Variants in SMYD3 observed in about 807,000 individuals in gnomAD.
SMYD3 encodes SET and MYND domain containing 3.
SMYD3 carries 36 observed loss-of-function variants against 57.7 expected under a neutral mutation model. The observed-to-expected ratio is 0.62, with a 90% CI of 0.48 to 0.82. The LOEUF (loss-of-function observed/expected upper bound fraction) is 0.82. SMYD3 is among the 40% of genes least tolerant of loss of function. The pLI, the probability that SMYD3 is intolerant of heterozygous loss-of-function variation, is 0.00. For missense variants in SMYD3, 515 were observed against 538.8 expected, an observed-to-expected ratio of 0.96 and a Z score of 0.44; for synonymous variants, 211 against 195.0, an observed-to-expected ratio of 1.08 and a Z score of -0.68.
At chr1:246,406,861 AAAC>A (rs1476776131) in intron 1 of SMYD3, among the ~76,000 whole-genome samples, 1 of 152,214 alleles carries the variant, frequency 6.6e-6, no homozygotes, top group African/African-American at 2.4e-5. Flanking sequence ...CAAAACAAAC[AAAC>A]AACACCTTTC....
intron 10 of SMYD3, among the ~76,000 whole-genome samples, chr1:245,781,173 T>C (rs1392418560): frequency 2.0e-5 from 3 of 152,206 alleles, no homozygotes; most frequent in Non-Finnish European, 4.4e-5. Context: ...TGAGAATTTT[T>C]GCACAACCAT....
At chr1:245,862,936 TTA>T (rs1017888492) in intron 9 of SMYD3, among the ~76,000 whole-genome samples, 1 of 152,202 alleles carries the variant, frequency 6.6e-6, no homozygotes, top group African/African-American at 2.4e-5. Flanking sequence ...TGATTCAAAA[TTA>T]TGTCCTTCAC....
intron 5 of SMYD3, among the ~76,000 whole-genome samples, chr1:246,010,970 C>T (rs2059271936): frequency 6.6e-6 from 1 of 152,198 alleles, no homozygotes; most frequent in Non-Finnish European, 1.5e-5. Context: ...CTTCCAGAGT[C>T]ACAGGGTTTG....
chr1:246,067,149 T>C (rs2060357644), intron 5 of SMYD3, among the ~76,000 whole-genome samples: 2 of 152,228 alleles, frequency 1.3e-5, no homozygotes, highest in Admixed American at 1.3e-4. Flanking sequence ...GGACTGTATA[T>C]GTCACAAAGA....
intron 7 of SMYD3, among the ~76,000 whole-genome samples, chr1:245,916,504 T>C (rs946771479): frequency 1.3e-5 from 2 of 152,186 alleles, no homozygotes; most frequent in Admixed American, 1.3e-4. Context: ...TCACTCTCAG[T>C]TGACAGTAAC....
rs147557665 is a variant in SMYD3, at chr1:245,969,548, G to A, written c.532-39611C>T. ...TCAGCACAAACTCAGAAACATACCC[G>A]TTCATTTACTTAACAGCACACAATC... On this transcript the variant is annotated intron_variant, in intron 5 of 11. Coordinates refer to ENST00000490107, the MANE Select transcript of SMYD3 (RefSeq NM_001167740.2). Among the ~76,000 whole-genome samples the A allele has an allele frequency of 6.1e-3, 933 of 152,250 alleles. 4 individuals are homozygous for A. The highest frequency in any genetic ancestry group is 0.021 in the African/African-American group (869 of 41,510).
At chr1:246,424,265 G>A (rs1218997356) in intron 1 of SMYD3, among the ~76,000 whole-genome samples, 1 of 151,978 alleles carries the variant, frequency 6.6e-6, no homozygotes, top group African/African-American at 2.4e-5. Context: ...TTATTTTACA[G>A]TAGATTATGA....
At chr1:246,134,721 A>G (rs1572085352) in intron 5 of SMYD3, among the ~76,000 whole-genome samples, 1 of 152,176 alleles carries the variant, frequency 6.6e-6, no homozygotes. Context: ...TCTGACTTTT[A>G]GAGGGTTAAA....
chr1:246,419,430 T>C (rs2067109362), intron 1 of SMYD3, among the ~76,000 whole-genome samples: 1 of 152,200 alleles, frequency 6.6e-6, no homozygotes, highest in African/African-American at 2.4e-5. Context: ...CTCCAGCTGC[T>C]TCTGTCTGTG....
At chr1:246,452,236 T>C (rs1231953813) in intron 1 of SMYD3, among the ~76,000 whole-genome samples, 2 of 152,136 alleles carry the variant, frequency 1.3e-5, no homozygotes, top group East Asian at 1.9e-4. Flanking sequence ...CCAGGGGCGG[T>C]GGCTCACACC....
chr1:246,349,388 T>C (rs2065781523), intron 2 of SMYD3, among the ~76,000 whole-genome samples: 1 of 151,996 alleles, frequency 6.6e-6, no homozygotes, highest in Non-Finnish European at 1.5e-5. Flanking sequence ...GTGTACTGCC[T>C]GAGCTTAGGA....
At chr1:246,179,188 G>A (rs12142003) in intron 5 of SMYD3, 10,862 of 154,448 alleles carry the variant, frequency 0.07, 548 homozygotes, top group African/African-American at 0.13. Context: ...ACCCAAAGAA[G>A]AGGAGCAGTC....
chr1:246,167,164 A>C (rs1267186710), intron 5 of SMYD3, among the ~76,000 whole-genome samples: 1 of 152,224 alleles, frequency 6.6e-6, no homozygotes, highest in Non-Finnish European at 1.5e-5. Flanking sequence ...GATAGATCAC[A>C]ATTGGTGTAT....
At chr1:245,866,596 G>T (rs1425500691) in intron 8 of SMYD3, among the ~76,000 whole-genome samples, 1 of 152,106 alleles carries the variant, frequency 6.6e-6, no homozygotes. Context: ...GCTGGGTCTA[G>T]TGGCACACGC....
intron 1 of SMYD3, among the ~76,000 whole-genome samples, chr1:246,503,607 T>G (rs1480462604): frequency 6.6e-6 from 1 of 152,178 alleles, no homozygotes; most frequent in African/African-American, 2.4e-5. Context: ...CATACCCAAT[T>G]GTCAACCAAC....
At chr1:246,081,652 T>C (rs932719469) in intron 5 of SMYD3, among the ~76,000 whole-genome samples, 15 of 152,206 alleles carry the variant, frequency 9.9e-5, no homozygotes, top group African/African-American at 3.6e-4. Flanking sequence ...CCTTGGCCTC[T>C]GAAAGTGCTG....
intron 10 of SMYD3, among the ~76,000 whole-genome samples, chr1:245,831,704 G>A (rs1223707714): frequency 2.0e-5 from 3 of 152,204 alleles, no homozygotes; most frequent in Non-Finnish European, 4.4e-5. Flanking sequence ...TAGATCCTTT[G>A]TGAGGGCAGC....
intron 10 of SMYD3, among the ~76,000 whole-genome samples, chr1:245,784,003 G>C (rs1371729929): frequency 6.6e-6 from 1 of 152,178 alleles, no homozygotes; most frequent in Non-Finnish European, 1.5e-5. Flanking sequence ...AAAACCCCAG[G>C]AAGAGTTTTT....
intron 5 of SMYD3, among the ~76,000 whole-genome samples, chr1:246,170,862 T>C (rs1263209204): frequency 6.6e-6 from 1 of 150,974 alleles, no homozygotes; most frequent in African/African-American, 2.4e-5. Context: ...GCTCGTAGAC[T>C]TCTTATTTTC....
Sources: allele counts gnomAD v4.1 joint callset (sites outside exome capture counted in the v4.1 genomes callset), GRCh38; gene constraint gnomAD v4.1.1; transcripts MANE v1.5; gene names NCBI Gene and HGNC (gene_info 2026-07-23, HGNC 2026-07-21).